Variants in SLC35D4 observed in about 807,000 individuals in gnomAD.
SLC35D4 encodes solute carrier family 35 member D4, also known as UDP-N-acetylglucosamine transporter SLC35D4.
chr18:23,400,557 G>A, the SLC35D4 span, among the ~76,000 whole-genome samples: 33 of 152,108 alleles, frequency 2.2e-4, no homozygotes, highest in Admixed American at 1.7e-3. Flanking sequence ...AGCTCAGGAG[G>A]CAGAGGTTGC....
the SLC35D4 span, chr18:23,437,865 C>T: frequency 1.2e-6 from 2 of 1,610,340 alleles, no homozygotes; most frequent in Non-Finnish European, 1.7e-6. Context: ...GTCAACTCGT[C>T]CCCTTCTCGG....
chr18:23,345,961 C>T, the SLC35D4 span, among the ~76,000 whole-genome samples: 14 of 151,972 alleles, frequency 9.2e-5, no homozygotes, highest in African/African-American at 3.1e-4. Flanking sequence ...ATAAACATGA[C>T]TTTTCATTAC....
the SLC35D4 span, among the ~76,000 whole-genome samples, chr18:23,418,349 A>AATTATTATT: frequency 0.057 from 8,091 of 142,532 alleles, 266 homozygotes; most frequent in Middle Eastern, 0.085. Flanking sequence ...GAGAAGCCAA[A>AATTATTATT]ATTATTATTA....
At chr18:23,387,338 C>G in the SLC35D4 span, among the ~76,000 whole-genome samples, 1 of 152,168 alleles carries the variant, frequency 6.6e-6, no homozygotes, top group East Asian at 1.9e-4. Context: ...GGTCTGCATC[C>G]AAACTTTTGT....
chr18:23,407,832 A>C, the SLC35D4 span, among the ~76,000 whole-genome samples: 1 of 152,204 alleles, frequency 6.6e-6, no homozygotes, highest in Non-Finnish European at 1.5e-5. Context: ...TGCATTTATC[A>C]AAAGCCTCAA....
chr18:23,415,548 A>G, the SLC35D4 span, among the ~76,000 whole-genome samples: 55 of 152,362 alleles, frequency 3.6e-4, no homozygotes, highest in African/African-American at 1.2e-3. Flanking sequence ...CCAGAATCCA[A>G]AAAAGAATGC....
the SLC35D4 span, among the ~76,000 whole-genome samples, chr18:23,313,126 CAAAAAAAA>C: frequency 2.0e-4 from 6 of 29,490 alleles, no homozygotes; most frequent in African/African-American, 3.3e-4. Flanking sequence ...GACTACATCT[CAAAAAAAA>C]AAAAAAAAAA....
At chr18:23,246,320 C>T in the SLC35D4 span, among the ~76,000 whole-genome samples, 1,127 of 151,634 alleles carry the variant, frequency 7.4e-3, 13 homozygotes, top group Non-Finnish European at 0.011. Flanking sequence ...AAGAAGGAGT[C>T]GCTGCTTGTT....
the SLC35D4 span, among the ~76,000 whole-genome samples, chr18:23,391,484 TC>T: frequency 1.3e-5 from 2 of 152,314 alleles, no homozygotes; most frequent in Non-Finnish European, 2.9e-5. Flanking sequence ...TTATGAGGCC[TC>T]AGGAAAACTT....
chr18:23,428,374 G>A, the SLC35D4 span, among the ~76,000 whole-genome samples: 2 of 152,090 alleles, frequency 1.3e-5, no homozygotes, highest in African/African-American at 2.4e-5. Flanking sequence ...AATCAGCAAA[G>A]AGAATCACAG....
chr18:23,356,782 G>T, the SLC35D4 span: 1 of 786,042 alleles, frequency 1.3e-6, no homozygotes, highest in Non-Finnish European at 2.1e-6. This position sits in a 1 kb window ranked among gnomAD's most constrained non-coding sequence, Gnocchi z 4.1. Context: ...CAGTCCCCTG[G>T]CATTGAATTC....
chr18:23,350,519 T>C, the SLC35D4 span, among the ~76,000 whole-genome samples: 1 of 152,184 alleles, frequency 6.6e-6, no homozygotes, highest in Non-Finnish European at 1.5e-5. Flanking sequence ...TACGTGAGCC[T>C]GTTCCATCAC....
the SLC35D4 span, among the ~76,000 whole-genome samples, chr18:23,429,818 T>C: frequency 6.6e-6 from 1 of 152,234 alleles, no homozygotes; most frequent in Non-Finnish European, 1.5e-5. Context: ...TTGAGAAGTG[T>C]CTATTCGTGT....
chr18:23,330,338 T>A, the SLC35D4 span, among the ~76,000 whole-genome samples: 1 of 152,004 alleles, frequency 6.6e-6, no homozygotes, highest in Non-Finnish European at 1.5e-5. Context: ...TCCCATAAGC[T>A]TTTTTTTCAT....
the SLC35D4 span, among the ~76,000 whole-genome samples, chr18:23,363,364 ATTTTTTTTT>A: frequency 4.4e-5 from 4 of 90,462 alleles, no homozygotes; most frequent in African/African-American, 1.5e-4. Context: ...ACAAAAGCAC[ATTTTTTTTT>A]TTTTTTTTTT....
chr18:23,251,613 G>A, the SLC35D4 span, among the ~76,000 whole-genome samples: 1 of 152,176 alleles, frequency 6.6e-6, no homozygotes, highest in Non-Finnish European at 1.5e-5. Flanking sequence ...GAAGACCAGG[G>A]TATTCAGAAA....
chr18:23,248,022 A>G, the SLC35D4 span, among the ~76,000 whole-genome samples: 1 of 152,194 alleles, frequency 6.6e-6, no homozygotes, highest in Non-Finnish European at 1.5e-5. Flanking sequence ...TGCAGACCCC[A>G]AGAGCTAGGA....
the SLC35D4 span, among the ~76,000 whole-genome samples, chr18:23,292,317 T>C: frequency 1.3e-5 from 2 of 152,228 alleles, no homozygotes; most frequent in African/African-American, 2.4e-5. Flanking sequence ...AAACAGTGGC[T>C]GCGGGTTCTG....
the SLC35D4 span, chr18:23,399,440 G>A: frequency 5.9e-6 from 5 of 841,496 alleles, no homozygotes; most frequent in African/African-American, 8.6e-5. Flanking sequence ...ACAAAAGGGA[G>A]TAATAGGTCC....
Sources: gnomAD v4.1 joint callset for allele counts (sites outside exome capture counted in the v4.1 genomes callset) on GRCh38, gnomAD v4.1.1 for gene constraint, Gnocchi (gnomAD v3.1) non-coding constraint, MANE v1.5 for transcripts, NCBI Gene and HGNC (gene_info 2026-07-23, HGNC 2026-07-21) for gene names.